Variants in TAF9B observed in about 807,000 individuals in gnomAD.
TAF9B encodes the protein transcription initiation factor TFIID subunit 9B.
In TAF9B, 47 loss-of-function variants were observed where a neutral mutation model predicts 17.6. That is an observed-to-expected ratio of 2.68 (90% confidence interval 2.12 to 3.41). The LOEUF (loss-of-function observed/expected upper bound fraction) is 3.41. Among genes scored for constraint, TAF9B ranks in the 30% most tolerant of loss-of-function variants. The pLI, the probability that TAF9B is intolerant of heterozygous loss-of-function variation, is 0.00. For missense variants in TAF9B, 218 were observed against 189.3 expected, an observed-to-expected ratio of 1.15 and a Z score of -0.89; for synonymous variants, 84 against 68.7, an observed-to-expected ratio of 1.22 and a Z score of -1.10.
Position 78,138,860 on chromosome X carries a change from A to T in TAF9B, c.116T>A (p.Met39Lys), listed in dbSNP as rs1446407230. 1 of 1,207,579 alleles carries T rather than the reference A, an allele frequency of 8.3e-7. No homozygotes were observed. The highest frequency in any genetic ancestry group is 3.0e-5 in the East Asian group (1 of 33,827). ...TEYEPRVINQ[M>K]LEFAFRYVTT... is the part of the protein sequence containing the mutation. Reference sequence around the variant, plus strand: ...TAACTTACGGAAAGCAAATTCCAACATTTGATTTATAACCCTTGGTTCATA... The same window carrying T: ...TAACTTACGGAAAGCAAATTCCAACTTTTGATTTATAACCCTTGGTTCATA... The change falls in exon 2 of 7, where the codon ATG (methionine) becomes AAG (lysine). Residue 39 changes from methionine (M) to lysine (K), a missense_variant. Met to Lys is a moderately conservative substitution (Grantham distance 95). Transcript: ENST00000341864.
intron 2 of TAF9B, among the ~76,000 whole-genome samples, 169 bp from the exon 3 acceptor site, chrX:78,138,267 G>T (rs1040763802): frequency 1.8e-5 from 2 of 112,102 alleles, no homozygotes; most frequent in South Asian, 7.3e-4. Flanking sequence ...GCCTCCCCGC[G>T]ACAGCCTCCC....
At position 78,137,777 on chromosome X, in the gene TAF9B, T is replaced by C. The variant is rs2078439589; in HGVS notation, c.377A>G (p.Asn126Ser). 6 of 1,201,758 alleles carry C rather than the reference T, an allele frequency of 5.0e-6. No homozygotes were observed. Among genetic ancestry groups the C allele is most frequent in the Non-Finnish European group, 6.7e-6 (6 of 892,977 alleles). ...PPDRYCLTAPNYRLKSLIKKG... is the reference protein window; with the variant it reads ...PPDRYCLTAPSYRLKSLIKKG... ...TTTAATTAAGGACTTCAGCCTATAGTTTGGAGCTGTTAAGCAGTATCTATC... is the reference window on the plus strand; with the variant it reads ...TTTAATTAAGGACTTCAGCCTATAGCTTGGAGCTGTTAAGCAGTATCTATC... The change falls in exon 4 of 7, where the codon AAC (asparagine) becomes AGC (serine). Residue 126 changes from asparagine (N) to serine (S), a missense_variant. Physicochemically the swap from Asn to Ser is conservative, Grantham distance 46 (BLOSUM62 1). Transcript: ENST00000341864.
chrX:78,137,689 A>C, intron 4 of TAF9B, 60 bp downstream of exon 4: 1 of 1,077,493 alleles, frequency 9.3e-7, no homozygotes, highest in East Asian at 3.1e-5. Context: ...TTTGCTTTTC[A>C]CAAAGTCCCC....
intron 6 of TAF9B, 94 bp from the exon 7 acceptor site, chrX:78,131,867 A>G: frequency 1.2e-6 from 1 of 820,715 alleles, no homozygotes; most frequent in Non-Finnish European, 1.7e-6. Context: ...AGCTGAATGT[A>G]ATTCTAATAC....
rs782699450 is a variant in TAF9B at position 78,137,800 on chromosome X, A to G, written c.354T>C (p.Asp118=). The G allele has an allele frequency of 2.5e-6, 3 of 1,209,788 alleles. No homozygotes were observed. Among genetic ancestry groups the G allele is most frequent in the Admixed American group, 4.4e-5 (2 of 45,850 alleles). The change falls in exon 4 of 7, where the codon GAT becomes GAC. Residue 118 remains aspartate, a synonymous_variant. Coordinates refer to ENST00000341864, the MANE Select transcript of TAF9B (RefSeq NM_015975.5). ...KPYAGPRLPP[D]RYCLTAPNYR... Reference sequence around the variant, plus strand: ...AGTTTGGAGCTGTTAAGCAGTATCTATCAGGTGGCAGTCTAGGTCCTGCAT... The same window carrying G: ...AGTTTGGAGCTGTTAAGCAGTATCTGTCAGGTGGCAGTCTAGGTCCTGCAT...
chrX:78,135,347 C>G (rs1171057515), intron 5 of TAF9B, among the ~76,000 whole-genome samples: 2 of 101,605 alleles, frequency 2.0e-5, no homozygotes, highest in African/African-American at 7.2e-5. Context: ...GAGGCCGAGG[C>G]AGGCAGATCA....
chrX:78,132,813 G>A (rs2078419388), intron 6 of TAF9B, among the ~76,000 whole-genome samples: 1 of 110,776 alleles, frequency 9.0e-6, no homozygotes, highest in South Asian at 3.8e-4. Flanking sequence ...AGCTGACGGT[G>A]TTCTTTGAAA....
chrX:78,139,326 C>G (rs2078446884), intron 1 of TAF9B, among the ~76,000 whole-genome samples: 2 of 111,718 alleles, frequency 1.8e-5, no homozygotes, highest in African/African-American at 6.5e-5. Context: ...GGACACAAAG[C>G]TGGGCAGCCG....
rs2078405244 is a variant in TAF9B, at chrX:78,130,575, G to A, written c.*1035C>T. Reference sequence around the variant, plus strand: ...TAAAATGATCTGAATTATACCAATAGCGGGGCTCAAGCAGCAGTGATCAAA... The same window carrying A: ...TAAAATGATCTGAATTATACCAATAACGGGGCTCAAGCAGCAGTGATCAAA... On this transcript the variant is annotated 3_prime_UTR_variant, in exon 7 of 7. Coordinates refer to ENST00000341864, the MANE Select transcript of TAF9B (RefSeq NM_015975.5). The A allele has an allele frequency of 8.9e-6, 1 of 112,418 alleles. No homozygotes were observed. Among genetic ancestry groups the A allele is most frequent in the African/African-American group, 3.2e-5 (1 of 30,887 alleles). The allele number at this position is 112,418 out of a possible 1,213,427, so 9.3% of individuals were successfully genotyped here. A position where few individuals can be genotyped will look rare whatever the true frequency, so the allele number is the denominator to read the frequency against.
At chrX:78,139,289 G>A (rs1271318820) in intron 1 of TAF9B, among the ~76,000 whole-genome samples, 3 of 111,300 alleles carry the variant, frequency 2.7e-5, no homozygotes, top group Non-Finnish European at 3.8e-5. Context: ...AGCTAGAGAC[G>A]AGGGGGAGGC....
chrX:78,131,032 G>A lies in TAF9B; in HGVS notation c.*578C>T, dbSNP rs2078408193. On this transcript the variant is annotated 3_prime_UTR_variant, in exon 7 of 7. Transcript: ENST00000341864. ...AGCAATGGAGAGAAACAAGCCTATG[G>A]GGGAGGTGCAGAAAATGAATGGGAT... 9.0e-6 allele frequency: 1 copy of A among 111,617 alleles called. No homozygotes were observed. Among genetic ancestry groups the A allele is most frequent in the South Asian group, 3.7e-4 (1 of 2,676 alleles). 9.2% of individuals were successfully genotyped at this position (111,617 alleles called of 1,213,427 possible).
At position 78,133,428 on chromosome X, in the gene TAF9B, C is replaced by T; in HGVS notation, c.502G>A (p.Val168Ile). 1 of 1,209,547 alleles carries T rather than the reference C, an allele frequency of 8.3e-7. No individual in the cohort carries two copies. Residue 168 changes from valine to isoleucine, a missense_variant, in exon 6 of 7, where the codon GTC becomes ATC. Physicochemically the swap from Val to Ile is conservative, Grantham distance 29. Coordinates refer to ENST00000341864, the MANE Select transcript of TAF9B (RefSeq NM_015975.5). ...PTIATPQTVS[V>I]PNKVATPMSV... ...ATTGGAGTTGCAACTTTATTTGGGA[C>T]AGACACCGTTTGTGGGGTTGCTGTA... is the stretch of plus-strand genomic sequence containing the variant.
chrX:78,135,673 C>T (rs1451133051), intron 5 of TAF9B, among the ~76,000 whole-genome samples: 1 of 111,748 alleles, frequency 8.9e-6, no homozygotes, highest in African/African-American at 3.3e-5. Flanking sequence ...AGTGCCCTGA[C>T]TCTAGATTTT....
At position 78,139,645 on chromosome X, in the gene TAF9B, G is replaced by GT; in HGVS notation, c.-35_-34insA. ...GCCACTCGTCATCCGCGGAGACAGA[G>GT]GAGAGAGGAGAGCTCGCGGGCTCCT... On this transcript the variant is annotated 5_prime_UTR_variant, in exon 1 of 7. Transcript: ENST00000341864. 8.3e-7 allele frequency: 1 copy of GT among 1,209,148 alleles called. No individual in the cohort carries two copies. Among genetic ancestry groups the GT allele is most frequent in the Admixed American group, 2.2e-5 (1 of 45,733 alleles).
chrX:78,134,254 G>A (rs180981827), intron 5 of TAF9B, among the ~76,000 whole-genome samples: 5 of 111,187 alleles, frequency 4.5e-5, no homozygotes, highest in Admixed American at 9.6e-5. Context: ...TTCCCTTAAC[G>A]TCATAGGAGT....
Position 78,139,623 on chromosome X carries a change from A to T in TAF9B, c.-12T>A. 1 of 1,209,744 alleles carries T rather than the reference A, an allele frequency of 8.3e-7. No homozygotes were observed. Among genetic ancestry groups the T allele is most frequent in the Admixed American group, 2.2e-5 (1 of 45,892 alleles). On this transcript the variant is annotated 5_prime_UTR_variant, in exon 1 of 7. Coordinates refer to ENST00000341864, the MANE Select transcript of TAF9B (RefSeq NM_015975.5). Reference sequence around the variant, plus strand: ...TTGCCCGACTCCATGTTATCCAGCCACTCGTCATCCGCGGAGACAGAGGAG... The same window carrying T: ...TTGCCCGACTCCATGTTATCCAGCCTCTCGTCATCCGCGGAGACAGAGGAG...
chrX:78,137,182 A>C (rs2078437353), intron 4 of TAF9B, among the ~76,000 whole-genome samples, 192 bp from the exon 5 acceptor site: 1 of 112,364 alleles, frequency 8.9e-6, no homozygotes, highest in African/African-American at 3.2e-5. Flanking sequence ...TATCTATATA[A>C]AAATAGATAT....
intron 5 of TAF9B, among the ~76,000 whole-genome samples, chrX:78,134,234 G>T (rs1212172522): frequency 9.0e-6 from 1 of 111,142 alleles, no homozygotes; most frequent in East Asian, 2.8e-4. Flanking sequence ...CTTATATCCT[G>T]CCTCTGAAGT....
At chrX:78,135,432 C>CA (rs1413527723) in intron 5 of TAF9B, among the ~76,000 whole-genome samples, 1 of 95,632 alleles carries the variant, frequency 1.0e-5, no homozygotes, top group African/African-American at 3.8e-5. Flanking sequence ...AAAAAAAACA[C>CA]AAAAAAACAA....
Sources: allele counts gnomAD v4.1 joint callset (sites outside exome capture counted in the v4.1 genomes callset), GRCh38; gene constraint gnomAD v4.1.1; transcripts MANE v1.5; gene names NCBI Gene and HGNC (gene_info 2026-07-23, HGNC 2026-07-21).